Variants in CAMKMT observed in about 807,000 individuals in gnomAD.
The protein encoded by CAMKMT is CaM KMT.
Under a neutral mutation model 48.0 loss-of-function variants are expected in CAMKMT, and 53 were observed. The ratio of observed to expected loss-of-function variants is 1.10; its 90% CI spans 0.89 to 1.39. The LOEUF is 1.39. CAMKMT is among the 40% of genes most tolerant of loss of function. The pLI is 0.00. For missense variants in CAMKMT, 428 were observed against 402.7 expected (o/e 1.06, Z -0.54); for synonymous variants, 165 against 152.3 (o/e 1.08, Z -0.61).
chr2:44,370,259 C>G (rs1262709403), intron 1 of CAMKMT, among the ~76,000 whole-genome samples: 1 of 152,164 alleles, frequency 6.6e-6, no homozygotes, highest in African/African-American at 2.4e-5. Context: ...TGCATTAATT[C>G]TTACTCAGAC....
At chr2:44,619,850 T>C (rs1382353107) in intron 3 of CAMKMT, among the ~76,000 whole-genome samples, 2 of 152,194 alleles carry the variant, frequency 1.3e-5, no homozygotes, top group Admixed American at 1.3e-4. Context: ...AGGAAATAAA[T>C]ATTTCAACAT....
At chr2:44,642,780 C>T (rs1419200670) in intron 3 of CAMKMT, among the ~76,000 whole-genome samples, 4 of 152,056 alleles carry the variant, frequency 2.6e-5, no homozygotes, top group African/African-American at 9.7e-5. Context: ...AAAGAAGTGA[C>T]ACCCTGGGAC....
At chr2:44,683,345 T>C (rs7599671) in intron 3 of CAMKMT, among the ~76,000 whole-genome samples, 6,506 of 152,268 alleles carry the variant, frequency 0.043, 459 homozygotes, top group African/African-American at 0.15. Context: ...ACTCAAATCA[T>C]GTCTTTCCCA....
At chr2:44,509,492 G>A (rs1467298703) in intron 3 of CAMKMT, among the ~76,000 whole-genome samples, 1 of 151,928 alleles carries the variant, frequency 6.6e-6, no homozygotes, top group Non-Finnish European at 1.5e-5. Context: ...TGTGTTTTTT[G>A]TAGAGATGGG....
intron 3 of CAMKMT, among the ~76,000 whole-genome samples, chr2:44,590,889 C>G (rs1670222398): frequency 6.6e-6 from 1 of 151,492 alleles, no homozygotes; most frequent in South Asian, 2.1e-4. Context: ...GGTTTTAGGT[C>G]TAACGTTTAA....
intron 6 of CAMKMT, among the ~76,000 whole-genome samples, chr2:44,709,198 A>G (rs1052482606): frequency 1.8e-4 from 27 of 152,140 alleles, no homozygotes; most frequent in Non-Finnish European, 4.0e-4. Flanking sequence ...CTCCCAAGAA[A>G]ATGGATTTTT....
intron 1 of CAMKMT, among the ~76,000 whole-genome samples, chr2:44,364,554 G>T (rs1572628548): frequency 3.3e-5 from 5 of 152,164 alleles, no homozygotes; most frequent in Admixed American, 3.3e-4. Context: ...ACAGGGCCTG[G>T]TTAATTGATT....
At chr2:44,363,140 T>G (rs1678136589) in intron 1 of CAMKMT, among the ~76,000 whole-genome samples, 1 of 152,140 alleles carries the variant, frequency 6.6e-6, no homozygotes, top group South Asian at 2.1e-4. Context: ...AGTTATGAGT[T>G]AAGTAGATCA....
chr2:44,617,385 C>T (rs891645440), intron 3 of CAMKMT, among the ~76,000 whole-genome samples: 4 of 152,244 alleles, frequency 2.6e-5, no homozygotes, highest in East Asian at 3.9e-4. Flanking sequence ...AACACACACT[C>T]CTTAGGTAAG....
At chr2:44,711,570 C>A (rs1239934630) in intron 6 of CAMKMT, among the ~76,000 whole-genome samples, 2 of 152,170 alleles carry the variant, frequency 1.3e-5, no homozygotes, top group Non-Finnish European at 2.9e-5. Context: ...CCTGCCTCCA[C>A]CTCCCTAAGT....
chr2:44,614,980 T>C (rs377537279), intron 3 of CAMKMT, among the ~76,000 whole-genome samples: 1 of 136,650 alleles, frequency 7.3e-6, no homozygotes, highest in East Asian at 2.1e-4. Flanking sequence ...TCTTGCTCTG[T>C]TGCCCAGGCT....
chr2:44,529,908 A>G (rs1666389162), intron 3 of CAMKMT, among the ~76,000 whole-genome samples: 1 of 152,194 alleles, frequency 6.6e-6, no homozygotes. Context: ...ATGGGTTTCA[A>G]ATACAATGTT....
intron 3 of CAMKMT, among the ~76,000 whole-genome samples, chr2:44,539,664 C>CAAA (rs1488370540): frequency 3.3e-5 from 5 of 152,124 alleles, no homozygotes; most frequent in Non-Finnish European, 5.9e-5. Context: ...AACAGTTCCT[C>CAAA]AGCCTTTCTT....
At position 44,757,172 on chromosome 2, in the gene CAMKMT, C is replaced by A. The variant is rs541988518; in HGVS notation, c.762+3054C>A. ...TGCTGTAGAACTTATCAAGGTTAAT[C>A]CACATGAGATGTTTATCCAGGGGGA... is the stretch of plus-strand genomic sequence containing the variant. On this transcript the variant is annotated intron_variant, in intron 9 of 10. Transcript: ENST00000378494. Among the ~76,000 whole-genome samples, 26 of 152,328 alleles carry A rather than the reference C, an allele frequency of 1.7e-4. 1 individual carries two copies. Among genetic ancestry groups the A allele is most frequent in the East Asian group, 1.2e-3 (6 of 5,182 alleles).
chr2:44,402,308 GACACAGCAAGACT>G (rs1682449064), intron 3 of CAMKMT, among the ~76,000 whole-genome samples: 2 of 139,818 alleles, frequency 1.4e-5, no homozygotes, highest in African/African-American at 2.7e-5. Flanking sequence ...CAGCTTGGGT[GACACAGCAAGACT>G]CTGTCTAAAA....
intron 3 of CAMKMT, among the ~76,000 whole-genome samples, chr2:44,416,892 A>G (rs1486074055): frequency 6.6e-6 from 1 of 151,320 alleles, no homozygotes; most frequent in Non-Finnish European, 1.5e-5. Flanking sequence ...TGTTTTTGAG[A>G]TTCATCCATA....
At chr2:44,415,506 A>G (rs1683492497) in intron 3 of CAMKMT, among the ~76,000 whole-genome samples, 1 of 152,210 alleles carries the variant, frequency 6.6e-6, no homozygotes. Flanking sequence ...AATTAAGATA[A>G]TCACATGAAT....
chr2:44,601,950 C>G (rs1315386274), intron 3 of CAMKMT, among the ~76,000 whole-genome samples: 1 of 151,926 alleles, frequency 6.6e-6, no homozygotes, highest in Non-Finnish European at 1.5e-5. Context: ...TTGTGTTTTA[C>G]AAAAATGATA....
intron 1 of CAMKMT, among the ~76,000 whole-genome samples, chr2:44,363,498 C>G (rs1177705398): frequency 6.6e-6 from 1 of 151,630 alleles, no homozygotes; most frequent in Admixed American, 6.6e-5. Context: ...CTTCCTCAGT[C>G]TCCCCAGTAG....
Sources: gnomAD v4.1 joint callset for allele counts (sites outside exome capture counted in the v4.1 genomes callset) on GRCh38, gnomAD v4.1.1 for gene constraint, MANE v1.5 for transcripts, NCBI Gene and HGNC (gene_info 2026-07-23, HGNC 2026-07-21) for gene names.